The following DSC2 variants were observed in gnomAD, a reference collection of about 807,000 sequenced individuals.
The protein encoded by DSC2 is desmocollin-2.
In DSC2, 51 loss-of-function variants were observed where a neutral mutation model predicts 87.6. That is an observed-to-expected ratio of 0.58 (90% confidence interval 0.46 to 0.74). The LOEUF (loss-of-function observed/expected upper bound fraction) is 0.74. Among genes scored for constraint, DSC2 ranks in the 30% least tolerant of loss-of-function variants. The pLI is 0.00. For synonymous variants in DSC2, 383 were observed against 393.2 expected (o/e 0.97, Z 0.31); for missense variants, 1,066 against 1,089.5 (o/e 0.98, Z 0.30).
chr18:31,090,239 A>G (rs1987547380), intron 4 of DSC2, among the ~76,000 whole-genome samples: 1 of 152,184 alleles, frequency 6.6e-6, no homozygotes, highest in Admixed American at 6.5e-5. Context: ...TTTTCTAACA[A>G]TTTCTCAACT....
At chr18:31,068,782 G>A (rs1986716320) in intron 15 of DSC2, 112 bp downstream of exon 15, 1 of 1,362,606 alleles carries the variant, frequency 7.3e-7, no homozygotes, top group Non-Finnish European at 1.0e-6. Context: ...CTTTCAATTA[G>A]TAGAATTAGT....
chr18:31,095,020 T>A (rs1168754634), intron 1 of DSC2, among the ~76,000 whole-genome samples: 1 of 152,172 alleles, frequency 6.6e-6, no homozygotes, highest in Non-Finnish European at 1.5e-5. Context: ...TCACGAAGAT[T>A]ACATGATAAT....
intron 3 of DSC2, chr18:31,091,384 A>C: frequency 3.3e-6 from 2 of 601,632 alleles, no homozygotes; most frequent in South Asian, 3.3e-5. Context: ...TATGGAAGAA[A>C]GAGAGATGGA....
chr18:31,074,379 A>G (rs1986931914), intron 12 of DSC2, among the ~76,000 whole-genome samples: 1 of 151,786 alleles, frequency 6.6e-6, no homozygotes, highest in South Asian at 2.1e-4. Flanking sequence ...AAATGACTGC[A>G]TTAGACCAAG....
intron 3 of DSC2, chr18:31,091,471 TG>T: frequency 2.1e-6 from 1 of 487,738 alleles, no homozygotes; most frequent in Non-Finnish European, 4.0e-6. Flanking sequence ...GAGAGAGATA[TG>T]CAAAGAAAAT....
intron 11 of DSC2, 53 bp from the exon 12 acceptor site, chr18:31,074,960 A>G: frequency 6.5e-7 from 1 of 1,531,672 alleles, no homozygotes; most frequent in Non-Finnish European, 8.9e-7. Context: ...TTTCACCACA[A>G]AAGTATGCAC....
chr18:31,068,527 T>C (rs977368647), intron 15 of DSC2, among the ~76,000 whole-genome samples: 4 of 152,170 alleles, frequency 2.6e-5, no homozygotes, highest in East Asian at 1.9e-4. Context: ...TGAAGACAAA[T>C]TGATATGGGC....
At chr18:31,073,934 G>A (rs1313073155) in intron 12 of DSC2, among the ~76,000 whole-genome samples, 3 of 152,234 alleles carry the variant, frequency 2.0e-5, no homozygotes, top group African/African-American at 4.8e-5. Flanking sequence ...GAGAGATAAC[G>A]TGGTGGACAC....
chr18:31,086,286 C>T (rs887665931), intron 7 of DSC2, among the ~76,000 whole-genome samples: 1 of 152,054 alleles, frequency 6.6e-6, no homozygotes, highest in African/African-American at 2.4e-5. Flanking sequence ...CAAATTTCTG[C>T]ATATATTTAA....
chr18:31,079,226 A>AGTTTTGTTTTTGTTTTT (rs1237924857), intron 11 of DSC2, among the ~76,000 whole-genome samples: 3 of 151,998 alleles, frequency 2.0e-5, no homozygotes, highest in African/African-American at 7.2e-5. Flanking sequence ...AACTGAAACA[A>AGTTTTGTTTTTGTTTTT]GTTTTGTTTT....
At chr18:31,070,968 C>T in intron 13 of DSC2, 118 bp from the exon 14 acceptor site, 2 of 1,281,290 alleles carry the variant, frequency 1.6e-6, no homozygotes, top group Non-Finnish European at 2.2e-6. Flanking sequence ...AAGAAGACAG[C>T]TTTCCTGGAT....
chr18:31,068,463 G>C, intron 15 of DSC2: 1 of 1,075,306 alleles, frequency 9.3e-7, no homozygotes, highest in Non-Finnish European at 1.4e-6. Flanking sequence ...ATTTTACATA[G>C]TCACTACTTT....
rs1489594535 is a variant in DSC2, at chr18:31,060,532, C to T, written c.*7483G>A. Reference sequence around the variant, plus strand: ...GCATTACCTGTTACCCCACCTGACACAGGTCCCCACACAACAGCACAGTGA... The same window carrying T: ...GCATTACCTGTTACCCCACCTGACATAGGTCCCCACACAACAGCACAGTGA... On this transcript the variant is annotated 3_prime_UTR_variant, in exon 16 of 16. Transcript: ENST00000280904. 6.6e-6 allele frequency: 1 copy of T among 152,256 alleles called. No individual in the cohort carries two copies. The highest frequency in any genetic ancestry group is 1.5e-5 in the Non-Finnish European group (1 of 68,086). 9.4% of individuals were successfully genotyped at this position (152,256 alleles called of 1,614,324 possible).
chr18:31,066,393 A>T lies in DSC2; in HGVS notation c.*1622T>A, dbSNP rs1986619883. On this transcript the variant is annotated 3_prime_UTR_variant, in exon 16 of 16. Transcript: ENST00000280904. ...AAACTGCTTAATTTACTTTATCATG[A>T]CTAGTAATATATAAGAATTTTGTAT... is the stretch of plus-strand genomic sequence containing the variant. The T allele has an allele frequency of 6.6e-6, 1 of 152,160 alleles. No individual in the cohort carries two copies. Among genetic ancestry groups the T allele is most frequent in the Non-Finnish European group, 1.5e-5 (1 of 68,010 alleles). The allele number at this position is 152,160 out of a possible 1,614,324, so 9.4% of individuals were successfully genotyped here.
rs2144830120 is a variant in DSC2 at position 31,086,572 on chromosome 18, T to A, written c.942+4A>T. 1.2e-6 allele frequency: 2 copies of A among 1,614,098 alleles called. 1 individual carries two copies. Among genetic ancestry groups the A allele is most frequent in the South Asian group, 2.2e-5 (2 of 91,082 alleles). ...TAATCAGGTTTTATTAATGTTTATG[T>A]TACCTCTCTGTCTAGCTGAGATGAT... On this transcript the variant is annotated splice_donor_region_variant and intron_variant, in intron 7 of 15. Coordinates refer to ENST00000280904, the MANE Select transcript of DSC2 (RefSeq NM_024422.6).
At chr18:31,095,063 G>A (rs1422006786) in intron 1 of DSC2, among the ~76,000 whole-genome samples, 5 of 152,176 alleles carry the variant, frequency 3.3e-5, no homozygotes, top group Non-Finnish European at 7.4e-5. Context: ...ATGCACAAAT[G>A]TCACATAATG....
intron 6 of DSC2, 32 bp downstream of exon 6, chr18:31,087,637 A>G: frequency 6.2e-7 from 1 of 1,603,308 alleles, no homozygotes; most frequent in Non-Finnish European, 8.5e-7. Flanking sequence ...AACACAGTTA[A>G]TTTGCCATAT....
rs137941742 is a variant in DSC2, at chr18:31,092,107, T to C, written c.348A>G (p.Gln116=). 574 of 1,612,054 alleles carry C rather than the reference T, an allele frequency of 3.6e-4. 1 individual carries two copies. The highest frequency in any genetic ancestry group is 9.9e-4 in the South Asian group (90 of 90,960). ...KKKIFVFLEH[Q]TKVLKKRHTK... is the part of the protein sequence containing the mutation. ...TTTATGTAGCCTTGTATACCTTTGT[T>C]TGATGCTCCAAAAAGACAAATATTT... The change falls in exon 3 of 16, where the codon CAA becomes CAG. Residue 116 remains glutamine, a synonymous_variant. Transcript: ENST00000280904.
chr18:31,091,139 C>A lies in DSC2; in HGVS notation c.363G>T (p.Lys121Asn), dbSNP rs762877422. 3.5e-5 allele frequency: 56 copies of A among 1,613,716 alleles called. No individual in the cohort carries two copies. The highest frequency in any genetic ancestry group is 4.4e-5 in the Non-Finnish European group (52 of 1,179,830). The change falls in exon 4 of 16, where the codon AAG becomes AAT. Residue 121 changes from lysine to asparagine, a missense_variant. Physicochemically the swap from Lys to Asn is moderately conservative, Grantham distance 94. Transcript: ENST00000280904. ...GAACTTTTTCTTTAGTATGTCTTTT[C>A]TTTAGGACCTCAATTCATAAGACAG... ...VFLEHQTKVL[K>N]KRHTKEKVLR... is the part of the protein sequence containing the mutation.
Sources: allele counts gnomAD v4.1 joint callset (sites outside exome capture counted in the v4.1 genomes callset), GRCh38; gene constraint gnomAD v4.1.1; transcripts MANE v1.5; gene names NCBI Gene and HGNC (gene_info 2026-07-23, HGNC 2026-07-21).